DGLUCY: variants seen among roughly 807,000 people sequenced by gnomAD.
DGLUCY encodes D-glutamate cyclase, mitochondrial.
Under a neutral mutation model 58.5 loss-of-function variants are expected in DGLUCY, and 58 were observed. That is an observed-to-expected ratio of 0.99 (90% confidence interval 0.80 to 1.23). The LOEUF is 1.23. Among genes scored for constraint, DGLUCY ranks in the 50% most tolerant of loss-of-function variants. The pLI is 0.00. For synonymous variants in DGLUCY, 325 were observed against 314.1 expected (o/e 1.03, Z -0.37); for missense variants, 779 against 784.7 (o/e 0.99, Z 0.09).
intron 1 of DGLUCY, among the ~76,000 whole-genome samples, chr14:91,115,465 C>T (rs2044872222): frequency 1.3e-5 from 2 of 152,100 alleles, no homozygotes; most frequent in Non-Finnish European, 2.9e-5. Context: ...GCTGTGTCGC[C>T]CAGGCTGGAG....
intron 10 of DGLUCY, among the ~76,000 whole-genome samples, chr14:91,196,795 T>C (rs962107804): frequency 1.4e-5 from 2 of 147,304 alleles, no homozygotes; most frequent in Non-Finnish European, 3.0e-5. Context: ...CTGTGGGTCA[T>C]GACATGTTAG....
chr14:91,192,476 A>G (rs918700255), intron 9 of DGLUCY, among the ~76,000 whole-genome samples: 5 of 152,120 alleles, frequency 3.3e-5, no homozygotes, highest in Non-Finnish European at 1.5e-5. Flanking sequence ...ACACTTGAAA[A>G]TGGCTAAAAC....
At chr14:91,096,125 C>T (rs2044390664) in intron 1 of DGLUCY, among the ~76,000 whole-genome samples, 1 of 152,184 alleles carries the variant, frequency 6.6e-6, no homozygotes, top group African/African-American at 2.4e-5. Flanking sequence ...TTGTATTGCA[C>T]AAGTGGCCAA....
chr14:91,191,308 G>A (rs1057282410), intron 9 of DGLUCY, among the ~76,000 whole-genome samples: 7 of 152,196 alleles, frequency 4.6e-5, no homozygotes, highest in Non-Finnish European at 7.4e-5. Context: ...AGAGGGGAAT[G>A]GGGAGAGTTG....
At chr14:91,083,742 A>T (rs2044167250) in intron 1 of DGLUCY, among the ~76,000 whole-genome samples, 1 of 151,978 alleles carries the variant, frequency 6.6e-6, no homozygotes. Flanking sequence ...ATGTGTCAGA[A>T]ATATGTGTTT....
chr14:91,224,595 A>C, intron 13 of DGLUCY, 89 bp from the exon 14 acceptor site: 159 of 1,252,924 alleles, frequency 1.3e-4, no homozygotes, highest in Middle Eastern at 2.0e-4. Flanking sequence ...TGTCAAGGCA[A>C]AGGATCCTTC....
At chr14:91,061,592 C>CTT (rs2043685999) in intron 1 of DGLUCY, among the ~76,000 whole-genome samples, 1 of 152,176 alleles carries the variant, frequency 6.6e-6, no homozygotes, top group Non-Finnish European at 1.5e-5. Context: ...GGCAAGGAGG[C>CTT]ATTTGAGATA....
chr14:91,170,239 C>T (rs1338398588), intron 5 of DGLUCY, 38 bp downstream of exon 5: 4 of 1,591,578 alleles, frequency 2.5e-6, no homozygotes, highest in Non-Finnish European at 2.6e-6. Context: ...GGCAGAATGG[C>T]CTGAAGATGC....
chr14:91,128,410 A>G (rs1004436123), intron 1 of DGLUCY, among the ~76,000 whole-genome samples: 11 of 151,832 alleles, frequency 7.2e-5, no homozygotes, highest in Non-Finnish European at 1.6e-4. Context: ...TGGGAGGATC[A>G]CTTGAGCGCA....
intron 13 of DGLUCY, chr14:91,223,914 A>G (rs1199795024): frequency 3.4e-6 from 1 of 293,214 alleles, no homozygotes; most frequent in African/African-American, 2.2e-5. Context: ...CTGCCAGGAA[A>G]GACTCAAGTC....
intron 3 of DGLUCY, among the ~76,000 whole-genome samples, chr14:91,166,607 G>A (rs141626754): frequency 3.3e-4 from 50 of 152,150 alleles, no homozygotes; most frequent in Non-Finnish European, 1.3e-4. Context: ...ACAGGTTGCA[G>A]TGAGCCAAGA....
chr14:91,067,238 C>CA (rs34166766), intron 1 of DGLUCY, among the ~76,000 whole-genome samples: 3,536 of 137,022 alleles, frequency 0.026, 43 homozygotes, highest in Non-Finnish European at 0.027. Flanking sequence ...GAAAGGGAAC[C>CA]AAAAAAAAAA....
At chr14:91,210,317 A>G (rs1261930960) in intron 12 of DGLUCY, among the ~76,000 whole-genome samples, 27 of 152,158 alleles carry the variant, frequency 1.8e-4, no homozygotes, top group Admixed American at 1.8e-3. Flanking sequence ...ACACCCCTGT[A>G]TCAGAAATGG....
chr14:91,060,720 G>T (rs1276139675), intron 1 of DGLUCY: 1 of 305,134 alleles, frequency 3.3e-6, no homozygotes, highest in Non-Finnish European at 6.0e-6. Flanking sequence ...GGAGCCATTC[G>T]AGCCGCCTTC....
intron 1 of DGLUCY, among the ~76,000 whole-genome samples, chr14:91,142,607 T>C (rs1341233832): frequency 1.3e-5 from 2 of 152,086 alleles, no homozygotes; most frequent in African/African-American, 4.8e-5. Context: ...AGGTATAACA[T>C]TGCCCTTTGC....
At chr14:91,190,048 C>T (rs1241036269) in intron 9 of DGLUCY, among the ~76,000 whole-genome samples, 2 of 129,460 alleles carry the variant, frequency 1.5e-5, no homozygotes, top group East Asian at 2.4e-4. Flanking sequence ...AGTGCAGTGG[C>T]GCGATCTCGG....
chr14:91,083,517 C>A (rs952096987), intron 1 of DGLUCY, among the ~76,000 whole-genome samples: 1 of 138,024 alleles, frequency 7.2e-6, no homozygotes, highest in East Asian at 2.1e-4. Context: ...AGAGAGATTC[C>A]GTCTCAAAAA....
intron 13 of DGLUCY, 81 bp from the exon 14 acceptor site, chr14:91,224,603 T>G: frequency 7.2e-7 from 1 of 1,385,506 alleles, no homozygotes; most frequent in African/African-American, 1.5e-5. Flanking sequence ...CAAAGGATCC[T>G]TCTCACTTAT....
chr14:91,138,290 G>A (rs1295971487), intron 1 of DGLUCY, among the ~76,000 whole-genome samples: 2 of 152,092 alleles, frequency 1.3e-5, no homozygotes, highest in South Asian at 2.1e-4. Flanking sequence ...TCGGGAGTTC[G>A]AAACCAGCCT....
Sources: allele counts gnomAD v4.1 joint callset (sites outside exome capture counted in the v4.1 genomes callset), GRCh38; gene constraint gnomAD v4.1.1; transcripts MANE v1.5; gene names NCBI Gene and HGNC (gene_info 2026-07-23, HGNC 2026-07-21).